The following POU2F1 variants were observed in gnomAD, a reference collection of about 807,000 sequenced individuals.
The protein encoded by POU2F1 is POU domain, class 2, transcription factor 1.
A neutral mutation model predicts 84.9 loss-of-function variants in POU2F1; 16 were observed. The ratio of observed to expected loss-of-function variants is 0.19; its 90% CI spans 0.13 to 0.29. The LOEUF (loss-of-function observed/expected upper bound fraction) is 0.29, where lower values mean the gene tolerates loss of function less well. Ranked by LOEUF, POU2F1 falls within the 10% of genes least tolerant of loss-of-function variation. The pLI is 1.00. For synonymous variants in POU2F1, 368 were observed against 368.3 expected, an observed-to-expected ratio of 1.00 and a Z score of 0.01; for missense variants, 738 against 942.6, an observed-to-expected ratio of 0.78 and a Z score of 2.84.
intron 9 of POU2F1, among the ~76,000 whole-genome samples, chr1:167,395,842 C>T (rs376530792): frequency 6.0e-4 from 91 of 152,268 alleles, no homozygotes; most frequent in African/African-American, 2.0e-3. Flanking sequence ...TCAAGCATTC[C>T]ACCCATGTAG....
chr1:167,267,395 A>G (rs969623306), intron 1 of POU2F1, among the ~76,000 whole-genome samples: 1 of 77,518 alleles, frequency 1.3e-5, no homozygotes, highest in African/African-American at 7.1e-5. Flanking sequence ...TACAATCAGG[A>G]AAAAAAAACT....
rs576319665 is a variant in POU2F1, at chr1:167,419,953, G to T, written c.*4143G>T. ...TGTACATCTCTCATTCATTGTTGGG[G>T]GAAAAAAAAGCACAACTATACCTCT... On this transcript the variant is annotated 3_prime_UTR_variant, in exon 16 of 16. Transcript: ENST00000367866. The T allele has an allele frequency of 2.0e-5, 3 of 151,692 alleles. No individual in the cohort carries two copies. The South Asian group carries it at 6.2e-4, about 32-fold the overall frequency. 9.4% of individuals were successfully genotyped at this position (151,692 alleles called of 1,614,324 possible). A position where few individuals can be genotyped will look rare whatever the true frequency, so the allele number is the denominator to read the frequency against.
chr1:167,225,108 G>C (rs1045278738), intron 1 of POU2F1, among the ~76,000 whole-genome samples: 2 of 152,144 alleles, frequency 1.3e-5, no homozygotes, highest in African/African-American at 4.8e-5. Context: ...GATTACAGGC[G>C]TGAGCCACCA....
chr1:167,250,835 A>T lies in POU2F1; in HGVS notation c.61+29877A>T, dbSNP rs1384058779. Among the ~76,000 whole-genome samples, 3 of 152,254 alleles carry T rather than the reference A, an allele frequency of 2.0e-5. No individual in the cohort carries two copies. In the East Asian group the frequency reaches 5.8e-4, roughly 29 times the overall value. ...TTTTAATAACATTGTCTTCTTAGTTATAAGTTATTTTATTTCTCCAAATTT... is the reference window on the plus strand; with the variant it reads ...TTTTAATAACATTGTCTTCTTAGTTTTAAGTTATTTTATTTCTCCAAATTT... On this transcript the variant is annotated intron_variant, in intron 1 of 15. Transcript: ENST00000367866.
intron 12 of POU2F1, among the ~76,000 whole-genome samples, chr1:167,399,890 G>A (rs1219465012): frequency 8.6e-5 from 13 of 151,248 alleles, no homozygotes; most frequent in Non-Finnish European, 1.6e-4. Flanking sequence ...GGCCAGGCTG[G>A]TCTTGAACTC....
Position 167,364,359 on chromosome 1 carries a change from T to A in POU2F1, c.128-1108T>A, listed in dbSNP as rs535330093. On this transcript the variant is annotated intron_variant, in intron 2 of 15. Coordinates refer to ENST00000367866, the MANE Select transcript of POU2F1 (RefSeq NM_002697.4). ...TCCCGGCTATAACGGTGAAACCCCG[T>A]CTCTACTAAAAATACAAAAAATTAG... 5.1e-3 allele frequency among the ~76,000 whole-genome samples: 767 copies of A among 150,376 alleles called. 10 individuals carry two copies. Among genetic ancestry groups the A allele is most frequent in the African/African-American group, 0.018 (728 of 41,100 alleles).
Position 167,401,543 on chromosome 1 carries a change from T to G in POU2F1, c.1542T>G (p.Asn514Lys). ...VLPLTSAAVT[N>K]LSVTGTSDTT... ...CTCTGACCAGTGCTGCTGTGACGAA[T>G]CTTTCAGTTACAGGTAAGCAGCTGC... Residue 514 changes from asparagine (N) to lysine (K), a missense_variant, in exon 13 of 16, where the codon AAT becomes AAG. By Grantham distance (94) the Asn-to-Lys change is moderately conservative (BLOSUM62 0). Coordinates refer to ENST00000367866, the MANE Select transcript of POU2F1 (RefSeq NM_002697.4). 1.9e-6 allele frequency: 3 copies of G among 1,606,232 alleles called. No individual in the cohort carries two copies. The highest frequency in any genetic ancestry group is 2.6e-6 in the Non-Finnish European group (3 of 1,176,426).
intron 1 of POU2F1, among the ~76,000 whole-genome samples, chr1:167,327,598 C>T (rs1225751088): frequency 1.3e-5 from 2 of 152,166 alleles, no homozygotes; most frequent in East Asian, 3.8e-4. Context: ...CCTTTCAGAA[C>T]TCTCCTCAAA....
Position 167,415,689 on chromosome 1 carries a change from C to T in POU2F1, c.2180C>T (p.Ala727Val). 1 of 1,614,150 alleles carries T rather than the reference C, an allele frequency of 6.2e-7. No individual in the cohort carries two copies. Among genetic ancestry groups the T allele is most frequent in the Non-Finnish European group, 8.5e-7 (1 of 1,180,008 alleles). Residue 727 changes from alanine (A) to valine (V), a missense_variant, in exon 16 of 16, where the codon GCA becomes GTA. Coordinates refer to ENST00000367866, the MANE Select transcript of POU2F1 (RefSeq NM_002697.4). ...GCCGCAGCATCTGCAGGGAACTCTG[C>T]ACCTGTAGCCAGCCTTCACGCCACC... is the stretch of plus-strand genomic sequence containing the variant. The part of the protein sequence containing the change: ...SAAAASAGNS[A>V]PVASLHATST...
chr1:167,278,897 T>C (rs1652926529), intron 1 of POU2F1, among the ~76,000 whole-genome samples: 1 of 152,212 alleles, frequency 6.6e-6, no homozygotes, highest in Admixed American at 6.5e-5. Flanking sequence ...TTTGTGTCTT[T>C]GAGTATGATT....
Position 167,242,611 on chromosome 1 carries a change from G to A in POU2F1, c.61+21653G>A, listed in dbSNP as rs575593732. On this transcript the variant is annotated intron_variant, in intron 1 of 15. Coordinates refer to ENST00000367866, the MANE Select transcript of POU2F1 (RefSeq NM_002697.4). ...GAAGCAAATGTATGCTTTCTTCCAT[G>A]GCATAATTTTACCTATTTACCTTTT... 2.8e-4 allele frequency among the ~76,000 whole-genome samples: 42 copies of A among 152,238 alleles called. 1 individual carries two copies. The South Asian group carries it at 8.7e-3, about 32-fold the overall frequency.
At chr1:167,312,463 C>T (rs1280687470) in intron 1 of POU2F1, among the ~76,000 whole-genome samples, 1 of 152,090 alleles carries the variant, frequency 6.6e-6, no homozygotes, top group Non-Finnish European at 1.5e-5. Flanking sequence ...CTCCTGACTT[C>T]AAGTGATCTG....
chr1:167,284,976 G>A (rs1653416665), intron 1 of POU2F1, among the ~76,000 whole-genome samples: 1 of 152,140 alleles, frequency 6.6e-6, no homozygotes, highest in African/African-American at 2.4e-5. Context: ...ATTCATTTGT[G>A]TTCATAGTAT....
intron 2 of POU2F1, among the ~76,000 whole-genome samples, chr1:167,356,041 T>A (rs1035420435): frequency 7.9e-5 from 12 of 151,996 alleles, no homozygotes; most frequent in Admixed American, 1.3e-4. Context: ...TCGACTTCCC[T>A]CAGATCAGGT....
chr1:167,415,333 A>G (rs1650227645), intron 15 of POU2F1, among the ~76,000 whole-genome samples, 167 bp from the exon 16 acceptor site: 1 of 152,172 alleles, frequency 6.6e-6, no homozygotes. Context: ...ATAAACTACA[A>G]TTGGTATCAA....
rs527437525 is a variant in POU2F1, at chr1:167,417,356, A to C, written c.*1546A>C. 6.6e-6 allele frequency: 1 copy of C among 152,366 alleles called. No individual in the cohort carries two copies. The highest frequency in any genetic ancestry group is 6.5e-5 in the Admixed American group (1 of 15,308). The allele number at this position is 152,366 out of a possible 1,614,324, so 9.4% of individuals were successfully genotyped here. ...GCTAGGTAGGTCTAAATGGCAATAC[A>C]CATCTCTTTATTCAATGTAGAAAGT... is the stretch of plus-strand genomic sequence containing the variant. On this transcript the variant is annotated 3_prime_UTR_variant, in exon 16 of 16. Coordinates refer to ENST00000367866, the MANE Select transcript of POU2F1 (RefSeq NM_002697.4).
intron 1 of POU2F1, among the ~76,000 whole-genome samples, chr1:167,258,845 C>A (rs1651341455): frequency 6.6e-6 from 1 of 152,172 alleles, no homozygotes; most frequent in Non-Finnish European, 1.5e-5. Context: ...TTGGGGAGGA[C>A]AACATTTTGC....
intron 1 of POU2F1, among the ~76,000 whole-genome samples, chr1:167,298,828 G>A (rs1368874542): frequency 6.6e-6 from 1 of 151,906 alleles, no homozygotes; most frequent in Non-Finnish European, 1.5e-5. Flanking sequence ...TCACTTTAAT[G>A]TCAGTAGCTC....
At chr1:167,321,462 A>G (rs1656304748) in intron 1 of POU2F1, among the ~76,000 whole-genome samples, 1 of 152,210 alleles carries the variant, frequency 6.6e-6, no homozygotes. Context: ...ATGCCCCCAT[A>G]GGTTGTATAA....
Sources: gnomAD v4.1 joint callset for allele counts (sites outside exome capture counted in the v4.1 genomes callset) on GRCh38, gnomAD v4.1.1 for gene constraint, MANE v1.5 for transcripts, NCBI Gene and HGNC (gene_info 2026-07-23, HGNC 2026-07-21) for gene names.